Variants in CCNB3 observed in about 807,000 individuals in gnomAD.
CCNB3 encodes the protein cyclin B3.
A neutral mutation model predicts 68.0 loss-of-function variants in CCNB3; 12 were observed. The ratio of observed to expected loss-of-function variants is 0.18; its 90% confidence interval spans 0.11 to 0.29. The LOEUF (loss-of-function observed/expected upper bound fraction) is 0.29, where lower values mean the gene tolerates loss of function less well. Ranked by LOEUF, CCNB3 falls within the 10% of genes least tolerant of loss-of-function variation. The probability of loss-of-function intolerance (pLI) is 1.00; values close to 1 mark genes in which losing one functional copy is unlikely to be tolerated. For synonymous variants in CCNB3, 354 were observed against 388.9 expected, an observed-to-expected ratio of 0.91 and a Z score of 1.06; for missense variants, 904 against 993.1, an observed-to-expected ratio of 0.91 and a Z score of 1.21.
chrX:50,280,656 T>C (rs1035120139), intron 1 of CCNB3, among the ~76,000 whole-genome samples: 1,454 of 110,813 alleles, frequency 0.013, 34 homozygotes, highest in African/African-American at 0.046. Context: ...TGCTTGACTC[T>C]ATAAGTGGTT....
At chrX:50,322,501 C>T (rs2147077363) in intron 8 of CCNB3, among the ~76,000 whole-genome samples, 1 of 111,662 alleles carries the variant, frequency 9.0e-6, no homozygotes, top group South Asian at 3.7e-4. Context: ...CCATTCAGGA[C>T]ATAGGCATGG....
chrX:50,292,607 A>T (rs781889842), intron 4 of CCNB3, among the ~76,000 whole-genome samples: 1 of 110,962 alleles, frequency 9.0e-6, no homozygotes, highest in Non-Finnish European at 1.9e-5. Context: ...TTCTCTTGCA[A>T]CTAGTAAGGA....
intron 12 of CCNB3, 105 bp downstream of exon 12, chrX:50,351,476 C>G: frequency 9.3e-7 from 1 of 1,075,425 alleles, no homozygotes; most frequent in Non-Finnish European, 1.3e-6. Context: ...GATTCAGGCA[C>G]TTTTCACCTT....
At chrX:50,296,216 G>A (rs1557210895) in intron 5 of CCNB3, among the ~76,000 whole-genome samples, 1 of 103,771 alleles carries the variant, frequency 9.6e-6, no homozygotes, top group Admixed American at 1.1e-4. Context: ...GTGCCATGTT[G>A]GTGTGCTGCA....
At position 50,308,982 on chromosome X, in the gene CCNB3, G is replaced by A; in HGVS notation, c.813G>A (p.Lys271=). The change falls in exon 6 of 13, where the codon AAG becomes AAA. Residue 271 remains lysine (K), a synonymous_variant. Transcript: ENST00000376042. ...TGGAGTCAATGAGTTTTAAGAAGAA[G>A]CCTAAAACTGAGGAGTCAATCCCCA... ...FFMESMSFKK[K]PKTEESIPTH... 1 of 1,209,227 alleles carries A rather than the reference G, an allele frequency of 8.3e-7. No individual in the cohort carries two copies. The highest frequency in any genetic ancestry group is 1.1e-6 in the Non-Finnish European group (1 of 893,446).
At chrX:50,226,134 T>G (rs1318609132) in intron 1 of CCNB3, among the ~76,000 whole-genome samples, 4 of 77,063 alleles carry the variant, frequency 5.2e-5, no homozygotes, top group Non-Finnish European at 7.0e-5. Context: ...TCGATATATA[T>G]AAATATATAT....
Position 50,209,886 on chromosome X carries a change from C to T in CCNB3, c.-113+4936C>T, listed in dbSNP as rs1265207343. Among the ~76,000 whole-genome samples, 3 of 111,388 alleles carry T rather than the reference C, an allele frequency of 2.7e-5. No homozygotes were observed. The East Asian group carries it at 8.4e-4, about 31-fold the overall frequency. On this transcript the variant is annotated intron_variant, in intron 1 of 12. Coordinates refer to ENST00000376042, the MANE Select transcript of CCNB3 (RefSeq NM_033031.3). Reference sequence around the variant, plus strand: ...GATTTCTGCTTTTATCATTATTATTCCCTACCTTATGCTTGCATTGGATTT... The same window carrying T: ...GATTTCTGCTTTTATCATTATTATTTCCTACCTTATGCTTGCATTGGATTT...
intron 11 of CCNB3, among the ~76,000 whole-genome samples, chrX:50,349,529 G>T (rs1377845711): frequency 8.9e-6 from 1 of 112,430 alleles, no homozygotes; most frequent in Non-Finnish European, 1.9e-5. Context: ...ACACCAGTGA[G>T]CAGGCTATTG....
chrX:50,216,253 T>TTGTG (rs1335106689), intron 1 of CCNB3, among the ~76,000 whole-genome samples: 1 of 106,133 alleles, frequency 9.4e-6, no homozygotes, highest in East Asian at 2.9e-4. Flanking sequence ...GCGCCAGGCC[T>TTGTG]TGTGTGTGTG....
At chrX:50,304,257 G>T (rs575643110) in intron 5 of CCNB3, among the ~76,000 whole-genome samples, 9 of 111,229 alleles carry the variant, frequency 8.1e-5, no homozygotes, top group African/African-American at 2.9e-4. Flanking sequence ...TTTGAAATTG[G>T]GAAGTGTGAC....
chrX:50,301,134 C>T lies in CCNB3; in HGVS notation c.335+6141C>T, dbSNP rs150041993. The stretch of plus-strand genomic sequence containing the variant: ...CTTCTGAGGCCTTCTTCTCTCAACT[C>T]GTCAAAGTCATTCTCCATCCAGCTT... On this transcript the variant is annotated intron_variant, in intron 5 of 12. Coordinates refer to ENST00000376042, the MANE Select transcript of CCNB3 (RefSeq NM_033031.3). 7.5e-3 allele frequency among the ~76,000 whole-genome samples: 836 copies of T among 111,544 alleles called. 8 individuals are homozygous for T. Among genetic ancestry groups the T allele is most frequent in the Non-Finnish European group, 0.012 (639 of 53,086 alleles).
At chrX:50,323,141 T>G (rs1436884438) in intron 8 of CCNB3, among the ~76,000 whole-genome samples, 17 of 111,720 alleles carry the variant, frequency 1.5e-4, no homozygotes, top group Non-Finnish European at 2.8e-4. Context: ...GCAGCACTAT[T>G]CACATTAGCA....
intron 8 of CCNB3, among the ~76,000 whole-genome samples, chrX:50,341,312 A>G (rs1420590475): frequency 9.5e-6 from 1 of 105,132 alleles, no homozygotes; most frequent in Non-Finnish European, 2.0e-5. Context: ...CCTGGGAGAC[A>G]GAGCGAAACT....
At chrX:50,287,686 A>C (rs782187678) in intron 3 of CCNB3, among the ~76,000 whole-genome samples, 1 of 109,652 alleles carries the variant, frequency 9.1e-6, no homozygotes, top group African/African-American at 3.3e-5. Context: ...CTTTTAAAAC[A>C]GGTCCCCAAC....
At chrX:50,328,470 C>T (rs1922406057) in intron 8 of CCNB3, among the ~76,000 whole-genome samples, 1 of 110,999 alleles carries the variant, frequency 9.0e-6, no homozygotes, top group Admixed American at 9.5e-5. Flanking sequence ...TTTTAAACAA[C>T]CAGATTTTGC....
intron 1 of CCNB3, among the ~76,000 whole-genome samples, chrX:50,226,000 A>T (rs1036620953): frequency 4.8e-4 from 45 of 94,471 alleles, no homozygotes; most frequent in African/African-American, 1.6e-3. Context: ...TGTATATATA[A>T]ATATATATAG....
At chrX:50,299,488 G>T (rs1309517873) in intron 5 of CCNB3, among the ~76,000 whole-genome samples, 1 of 111,805 alleles carries the variant, frequency 8.9e-6, no homozygotes, top group African/African-American at 3.2e-5. Flanking sequence ...TTGCACTGTG[G>T]TCTGAGAGAC....
chrX:50,341,618 G>GA (rs1298391678), intron 8 of CCNB3: 3 of 108,991 alleles, frequency 2.8e-5, no homozygotes, highest in African/African-American at 1.0e-4. Context: ...GCTAGACTAA[G>GA]AAAAAAATGA....
At chrX:50,301,629 C>T (rs907259315) in intron 5 of CCNB3, among the ~76,000 whole-genome samples, 25 of 112,245 alleles carry the variant, frequency 2.2e-4, no homozygotes, top group African/African-American at 7.4e-4. Context: ...TCTCAAGCTG[C>T]GTGCTGGGAG....
Sources: allele counts gnomAD v4.1 joint callset (sites outside exome capture counted in the v4.1 genomes callset), GRCh38; gene constraint gnomAD v4.1.1; transcripts MANE v1.5; gene names NCBI Gene and HGNC (gene_info 2026-07-23, HGNC 2026-07-21).